The following NDUFAF6 variants were observed in gnomAD, a reference collection of about 807,000 sequenced individuals.
The protein encoded by NDUFAF6 is NADH:ubiquinone oxidoreductase complex assembly factor 6, also known as NADH dehydrogenase (ubiquinone) complex I, assembly factor 6.
A neutral mutation model predicts 40.8 loss-of-function variants in NDUFAF6; 45 were observed. The ratio of observed to expected loss-of-function variants is 1.10; its 90% CI spans 0.87 to 1.42. The LOEUF (loss-of-function observed/expected upper bound fraction) is 1.42, where lower values mean the gene tolerates loss of function less well. Ranked by LOEUF, NDUFAF6 falls within the 40% of genes most tolerant of loss-of-function variation. NDUFAF6 has a pLI of 0.00. For synonymous variants in NDUFAF6, 185 were observed against 155.9 expected, an observed-to-expected ratio of 1.19 and a Z score of -1.39; for missense variants, 435 against 418.5, an observed-to-expected ratio of 1.04 and a Z score of -0.34.
At chr8:95,009,702 T>A (rs1279301377) in intron 2 of NDUFAF6, among the ~76,000 whole-genome samples, 2 of 152,140 alleles carry the variant, frequency 1.3e-5, no homozygotes, top group Non-Finnish European at 2.9e-5. Flanking sequence ...GTTGAGCTTC[T>A]CCTTTTTGTA....
At chr8:95,115,851 A>C (rs1200982646) in intron 5 of NDUFAF6, 1 of 152,242 alleles carries the variant, frequency 6.6e-6, no homozygotes. Flanking sequence ...AAAATGACAC[A>C]TGTCCGCCGG....
intron 2 of NDUFAF6, among the ~76,000 whole-genome samples, chr8:95,003,346 C>T (rs890439728): frequency 1.3e-5 from 2 of 152,186 alleles, no homozygotes; most frequent in Non-Finnish European, 2.9e-5. Flanking sequence ...GAGTGACTTA[C>T]GTCACGGAGA....
At chr8:95,047,627 G>A (rs113309136) in intron 6 of NDUFAF6, among the ~76,000 whole-genome samples, 4,585 of 149,186 alleles carry the variant, frequency 0.031, 239 homozygotes, top group African/African-American at 0.11. Flanking sequence ...CTTCTGCCTC[G>A]GCCTCCCAAG....
intron 2 of NDUFAF6, among the ~76,000 whole-genome samples, chr8:94,981,254 T>G (rs967205643): frequency 6.6e-6 from 1 of 152,186 alleles, no homozygotes; most frequent in Non-Finnish European, 1.5e-5. Context: ...TTGCGTTTGG[T>G]CTCTTTTGCT....
At chr8:95,047,174 G>C in intron 6 of NDUFAF6, 47 bp downstream of exon 6, 1 of 1,613,248 alleles carries the variant, frequency 6.2e-7, no homozygotes, top group Non-Finnish European at 8.5e-7. Context: ...CAGGAATATG[G>C]GGAAGGAAGT....
intron 1 of NDUFAF6, among the ~76,000 whole-genome samples, chr8:94,912,887 G>A (rs934970046): frequency 1.3e-5 from 2 of 152,074 alleles, no homozygotes; most frequent in African/African-American, 4.8e-5. Flanking sequence ...GCTGAGGCAG[G>A]AGAATCACTT....
chr8:95,025,595 G>C (rs1433607794), intron 1 of NDUFAF6, among the ~76,000 whole-genome samples: 4 of 152,154 alleles, frequency 2.6e-5, no homozygotes, highest in Non-Finnish European at 5.9e-5. Context: ...CGAGTAATTA[G>C]TCTTCATTAC....
At chr8:95,069,776 G>A (rs1382092884) in intron 9 of NDUFAF6, among the ~76,000 whole-genome samples, 4 of 137,010 alleles carry the variant, frequency 2.9e-5, no homozygotes, top group East Asian at 2.1e-4. Context: ...GTGAGACTCC[G>A]CGTCAAAAAA....
At chr8:95,080,158 A>T (rs1268273781), downstream of NDUFAF6, among the ~76,000 whole-genome samples, 5 of 116,274 alleles carry the variant, frequency 4.3e-5, no homozygotes, top group African/African-American at 6.8e-5. Context: ...TTTTGTAGTG[A>T]TTTTTTGTAG....
At chr8:95,088,502 G>A (rs1431993415) in intron 2 of NDUFAF6, among the ~76,000 whole-genome samples, 1 of 152,050 alleles carries the variant, frequency 6.6e-6, no homozygotes, top group Non-Finnish European at 1.5e-5. Context: ...CTCATCAGTG[G>A]TTTCCCACAC....
upstream of NDUFAF6, among the ~76,000 whole-genome samples, chr8:95,097,613 C>G (rs138307605): frequency 6.6e-6 from 1 of 152,124 alleles, no homozygotes; most frequent in Non-Finnish European, 1.5e-5. Context: ...TCAGGAGAAT[C>G]GCTTGAACTG....
chr8:94,929,468 A>G (rs2131304893), intron 1 of NDUFAF6: 1 of 151,930 alleles, frequency 6.6e-6, no homozygotes, highest in Middle Eastern at 3.4e-3. Flanking sequence ...CTTCACTCAG[A>G]TGCCATGAAA....
chr8:94,918,083 A>G (rs527546397), intron 1 of NDUFAF6, among the ~76,000 whole-genome samples: 20 of 152,102 alleles, frequency 1.3e-4, no homozygotes, highest in Non-Finnish European at 2.9e-4. Context: ...TTGGGTAAAT[A>G]TTTGTAATTT....
intron 2 of NDUFAF6, among the ~76,000 whole-genome samples, chr8:94,999,124 CTTTTT>C (rs757137462): frequency 1.4e-5 from 2 of 139,418 alleles, no homozygotes; most frequent in East Asian, 4.0e-4. Flanking sequence ...TTCCATTCTA[CTTTTT>C]TTTTTTTTTT....
chr8:94,942,250 C>T lies in NDUFAF6; in HGVS notation c.-935-3233C>T, dbSNP rs145161800. ...GGAGACAGGGTTTCACCATGTTAGCCAGGATGGTCTCGATCTCCTGACCTC... is the reference window on the plus strand; with the variant it reads ...GGAGACAGGGTTTCACCATGTTAGCTAGGATGGTCTCGATCTCCTGACCTC... On this transcript the variant is annotated intron_variant, in intron 1 of 14. Coordinates refer to the NDUFAF6 transcript ENST00000396113. Among the ~76,000 whole-genome samples the T allele has an allele frequency of 6.7e-3, 1,015 of 152,060 alleles. 9 individuals carry two copies. Among genetic ancestry groups the T allele is most frequent in the African/African-American group, 0.023 (958 of 41,474 alleles).
At chr8:95,034,124 T>G (rs1427857402) in intron 2 of NDUFAF6, 2 of 457,304 alleles carry the variant, frequency 4.4e-6, no homozygotes, top group African/African-American at 4.0e-5. Flanking sequence ...TATGGAAAAG[T>G]AAGAGTAGTA....
rs866473131 is a variant in NDUFAF6 at position 95,030,007 on chromosome 8, C to A, written c.198-1988C>A. 2.6e-5 allele frequency among the ~76,000 whole-genome samples: 4 copies of A among 152,072 alleles called. 1 individual carries two copies. Among genetic ancestry groups the A allele is most frequent in the South Asian group, 2.1e-4 (1 of 4,820 alleles). ...TATTCTTTTTCCATCAAACTTTTAC[C>A]CCTTTAACATTTTCAGGCATTTATT... On this transcript the variant is annotated intron_variant, in intron 1 of 8. Coordinates refer to ENST00000396124, the MANE Select transcript of NDUFAF6 (RefSeq NM_152416.4).
chr8:95,107,560 A>G (rs904443526), downstream of NDUFAF6, among the ~76,000 whole-genome samples: 13 of 152,054 alleles, frequency 8.5e-5, no homozygotes, highest in Non-Finnish European at 1.5e-4. Context: ...GCAAACCACT[A>G]TGGCACGTGT....
chr8:94,913,723 C>T lies in NDUFAF6; in HGVS notation c.-936+17796C>T, dbSNP rs574310783. On this transcript the variant is annotated intron_variant, in intron 1 of 14. Transcript: ENST00000396113. The stretch of plus-strand genomic sequence containing the variant: ...CTAAGGTGGGAAGATTGCTTGAGCC[C>T]AAGAATTTGAGGCTTCAGTGAGCTC... Among the ~76,000 whole-genome samples, 5 of 152,310 alleles carry T rather than the reference C, an allele frequency of 3.3e-5. No homozygotes were observed. In the East Asian group the frequency reaches 9.6e-4, roughly 29 times the overall value.
Sources: gnomAD v4.1 joint callset for allele counts (sites outside exome capture counted in the v4.1 genomes callset) on GRCh38, gnomAD v4.1.1 for gene constraint, MANE v1.5 for transcripts, NCBI Gene and HGNC (gene_info 2026-07-23, HGNC 2026-07-21) for gene names.